Variants in POU6F2 observed in about 807,000 individuals in gnomAD.
POU6F2 encodes the protein POU domain, class 6, transcription factor 2.
Under a neutral mutation model 71.3 loss-of-function variants are expected in POU6F2, and 31 were observed. The observed-to-expected ratio is 0.43, with a 90% CI of 0.33 to 0.59. The LOEUF (loss-of-function observed/expected upper bound fraction) is 0.59. Among genes scored for constraint, POU6F2 ranks in the 20% least tolerant of loss-of-function variants. The probability of loss-of-function intolerance (pLI) is 0.04; values close to 1 mark genes in which losing one functional copy is unlikely to be tolerated. For synonymous variants in POU6F2, 347 were observed against 355.7 expected (o/e 0.98, Z 0.27); for missense variants, 783 against 856.8 (o/e 0.91, Z 1.07).
rs1790967750 is a variant in POU6F2 at position 39,074,916 on chromosome 7, C to T, written c.106-10944C>T. On this transcript the variant is annotated intron_variant, in intron 1 of 9. Transcript: ENST00000518318. ...TATTTAATCTGCTAACCCATCCATC[C>T]CATGAGGCATATACTGTTATTACCC... Among the ~76,000 whole-genome samples the T allele has an allele frequency of 2.0e-5, 3 of 152,228 alleles. No individual in the cohort carries two copies. In the South Asian group the frequency reaches 6.2e-4, roughly 32 times the overall value.
In POU6F2 at chr7:39,015,975, A is replaced by G. The variant is rs898642258; in HGVS notation, c.105+37917A>G. Among the ~76,000 whole-genome samples the G allele has an allele frequency of 3.5e-3, 128 of 36,464 alleles. 3 individuals carry two copies. The highest frequency in any genetic ancestry group is 8.8e-3 in the African/African-American group (65 of 7,386). 23.9% of individuals were successfully genotyped at this position (36,464 alleles called of 152,430 possible). On this transcript the variant is annotated intron_variant, in intron 1 of 9. Coordinates refer to ENST00000518318, the MANE Select transcript of POU6F2 (RefSeq NM_001370959.1). ...TATATATTGTATATTGATATATATTATATATAGATATATATAATATATAGA... is the reference window on the plus strand; with the variant it reads ...TATATATTGTATATTGATATATATTGTATATAGATATATATAATATATAGA...
chr7:39,148,289 G>C (rs1792663032), intron 2 of POU6F2, among the ~76,000 whole-genome samples: 1 of 152,150 alleles, frequency 6.6e-6, no homozygotes. Flanking sequence ...GTGACATCTA[G>C]GTTCAGAAAC....
chr7:39,334,437 A>C (rs1407152482), intron 4 of POU6F2, among the ~76,000 whole-genome samples: 1 of 152,162 alleles, frequency 6.6e-6, no homozygotes, highest in South Asian at 2.1e-4. Context: ...TTAGAAGCCA[A>C]ATTACCACTA....
At chr7:39,196,127 A>G (rs924297831) in intron 2 of POU6F2, among the ~76,000 whole-genome samples, 3 of 152,204 alleles carry the variant, frequency 2.0e-5, no homozygotes, top group African/African-American at 7.2e-5. Flanking sequence ...CAAGCTCCAC[A>G]GTGATTCGGC....
intron 2 of POU6F2, among the ~76,000 whole-genome samples, chr7:39,184,499 A>G (rs1189783237): frequency 6.6e-6 from 1 of 152,204 alleles, no homozygotes; most frequent in African/African-American, 2.4e-5. Flanking sequence ...CAGCTTCTCA[A>G]CACTAGGGAT....
chr7:39,087,940 A>G (rs1195496271), intron 2 of POU6F2, among the ~76,000 whole-genome samples: 3 of 152,180 alleles, frequency 2.0e-5, no homozygotes, highest in African/African-American at 7.2e-5. Flanking sequence ...CAAGAGGGTC[A>G]AAGAGATTTG....
At chr7:39,414,390 G>A (rs895102814) in intron 6 of POU6F2, among the ~76,000 whole-genome samples, 7 of 152,158 alleles carry the variant, frequency 4.6e-5, no homozygotes, top group African/African-American at 1.7e-4. Context: ...AAATGAACGT[G>A]GGAGGATCCG....
chr7:39,459,951 G>A (rs1788906575), intron 8 of POU6F2, among the ~76,000 whole-genome samples: 1 of 152,038 alleles, frequency 6.6e-6, no homozygotes, highest in Admixed American at 6.5e-5. Context: ...CTGCTATGGG[G>A]GGAAAAAGAC....
intron 1 of POU6F2, among the ~76,000 whole-genome samples, chr7:39,053,693 TG>T (rs1415612534): frequency 3.9e-5 from 6 of 152,110 alleles, no homozygotes. Context: ...ACCACTCTTC[TG>T]GGGGTTTTAG....
At chr7:38,991,858 C>G (rs1271549678) in intron 1 of POU6F2, among the ~76,000 whole-genome samples, 1 of 149,622 alleles carries the variant, frequency 6.7e-6, no homozygotes, top group Non-Finnish European at 1.5e-5. Context: ...CTCTCTCTCT[C>G]CCTCTCTCTC....
intron 5 of POU6F2, among the ~76,000 whole-genome samples, chr7:39,376,643 G>A (rs1019170068): frequency 5.3e-5 from 8 of 152,260 alleles, no homozygotes; most frequent in African/African-American, 1.4e-4. Flanking sequence ...TGCCCAGTAA[G>A]TAGATGATCT....
chr7:39,431,259 C>T (rs978486324), intron 6 of POU6F2, among the ~76,000 whole-genome samples: 1 of 152,172 alleles, frequency 6.6e-6, no homozygotes, highest in Non-Finnish European at 1.5e-5. Flanking sequence ...ACTTGACATC[C>T]GCACAAGTCC....
At chr7:38,999,225 T>C (rs1439605620) in intron 1 of POU6F2, among the ~76,000 whole-genome samples, 1 of 152,186 alleles carries the variant, frequency 6.6e-6, no homozygotes, top group Non-Finnish European at 1.5e-5. Context: ...CCCTCAGTCC[T>C]TGTAAAACTG....
At chr7:39,371,116 T>G (rs1267280826) in intron 5 of POU6F2, among the ~76,000 whole-genome samples, 1 of 152,018 alleles carries the variant, frequency 6.6e-6, no homozygotes, top group Admixed American at 6.5e-5. Flanking sequence ...ATACTTATCT[T>G]TACAGTCAAT....
At chr7:39,275,213 C>T (rs1784413923) in intron 4 of POU6F2, among the ~76,000 whole-genome samples, 1 of 152,132 alleles carries the variant, frequency 6.6e-6, no homozygotes, top group Admixed American at 6.5e-5. Context: ...TCTCAGGATA[C>T]AAAATCAATG....
rs181664232 is a variant in POU6F2, at chr7:39,377,939, C to T, written c.973-28661C>T. Among the ~76,000 whole-genome samples, 4 of 152,310 alleles carry T rather than the reference C, an allele frequency of 2.6e-5. No individual in the cohort carries two copies. In the East Asian group the frequency reaches 7.7e-4, roughly 29 times the overall value. The stretch of plus-strand genomic sequence containing the variant: ...TTCAGGAGAGGAACTTTTCCTTCTC[C>T]TCAAACTTTTCCTTCTCCCTCTTGC... On this transcript the variant is annotated intron_variant, in intron 5 of 9. Transcript: ENST00000518318.
intron 5 of POU6F2, among the ~76,000 whole-genome samples, chr7:39,355,168 G>A (rs1229129572): frequency 6.6e-6 from 1 of 152,236 alleles, no homozygotes; most frequent in Non-Finnish European, 1.5e-5. Context: ...GGATCCTTGT[G>A]AAGGATTAGG....
intron 2 of POU6F2, among the ~76,000 whole-genome samples, chr7:39,086,652 A>G (rs1283927701): frequency 1.3e-5 from 2 of 152,152 alleles, no homozygotes; most frequent in Non-Finnish European, 2.9e-5. Flanking sequence ...TTGTGTTTAT[A>G]GCATCATAAC....
At chr7:38,995,484 T>A (rs907304495) in intron 1 of POU6F2, among the ~76,000 whole-genome samples, 22 of 151,652 alleles carry the variant, frequency 1.5e-4, no homozygotes, top group African/African-American at 5.3e-4. Flanking sequence ...AAAAAATAAA[T>A]AAAATAAAAT....
Sources: gnomAD v4.1 joint callset for allele counts (sites outside exome capture counted in the v4.1 genomes callset) on GRCh38, gnomAD v4.1.1 for gene constraint, MANE v1.5 for transcripts, NCBI Gene and HGNC (gene_info 2026-07-23, HGNC 2026-07-21) for gene names.